AK5: variants seen among roughly 807,000 people sequenced by gnomAD.
AK5 encodes the protein adenylate kinase 5.
Under a neutral mutation model 69.5 loss-of-function variants are expected in AK5, and 27 were observed. The ratio of observed to expected loss-of-function variants is 0.39; its 90% CI spans 0.29 to 0.54. The LOEUF (loss-of-function observed/expected upper bound fraction) is 0.54, where lower values mean the gene tolerates loss of function less well. AK5 is among the 20% of genes least tolerant of loss of function. AK5 has a pLI of 0.71. For synonymous variants in AK5, 260 were observed against 244.4 expected, an observed-to-expected ratio of 1.06 and a Z score of -0.60; for missense variants, 531 against 700.4, an observed-to-expected ratio of 0.76 and a Z score of 2.73.
chr1:77,420,286 A>G (rs1303910750), intron 8 of AK5: 4 of 152,208 alleles, frequency 2.6e-5, no homozygotes, highest in Non-Finnish European at 5.9e-5. Flanking sequence ...AAACCAGCAG[A>G]AGATGGAAGA....
At chr1:77,389,278 A>G (rs554801350) in intron 6 of AK5, among the ~76,000 whole-genome samples, 3 of 152,348 alleles carry the variant, frequency 2.0e-5, no homozygotes, top group African/African-American at 7.2e-5. Context: ...ATGAGGGAAT[A>G]GAAACATTCC....
intron 10 of AK5, among the ~76,000 whole-genome samples, chr1:77,502,401 A>T (rs141349854): frequency 6.6e-6 from 1 of 152,328 alleles, no homozygotes; most frequent in South Asian, 2.1e-4. Context: ...TGGAAGTTGC[A>T]TTCACCAGTT....
chr1:77,403,072 T>C (rs1452653628), intron 6 of AK5, among the ~76,000 whole-genome samples: 1 of 152,160 alleles, frequency 6.6e-6, no homozygotes, highest in Non-Finnish European at 1.5e-5. Context: ...TTTCATGTGT[T>C]TTTTGGCTGC....
intron 3 of AK5, among the ~76,000 whole-genome samples, chr1:77,296,920 G>A (rs552905722): frequency 2.0e-5 from 3 of 152,210 alleles, no homozygotes; most frequent in Admixed American, 6.5e-5. Context: ...TGTGTTCTTG[G>A]CATCTTTGTG....
intron 6 of AK5, among the ~76,000 whole-genome samples, chr1:77,399,331 A>C (rs1211184203): frequency 6.6e-6 from 1 of 152,024 alleles, no homozygotes; most frequent in Non-Finnish European, 1.5e-5. Flanking sequence ...ACCACCACTG[A>C]CTTGGATTCT....
chr1:77,430,699 A>G (rs1276680376), intron 8 of AK5, among the ~76,000 whole-genome samples: 1 of 152,210 alleles, frequency 6.6e-6, no homozygotes, highest in Non-Finnish European at 1.5e-5. Flanking sequence ...AGAAGAAGCC[A>G]TTAGAGAGAT....
At chr1:77,418,727 G>T (rs1287660798) in intron 8 of AK5, among the ~76,000 whole-genome samples, 1 of 152,154 alleles carries the variant, frequency 6.6e-6, no homozygotes, top group Non-Finnish European at 1.5e-5. Flanking sequence ...ACATGTTCTT[G>T]GGGGAGGCTT....
intron 6 of AK5, among the ~76,000 whole-genome samples, chr1:77,408,456 C>T (rs181497633): frequency 6.6e-6 from 1 of 151,902 alleles, no homozygotes; most frequent in African/African-American, 2.4e-5. Flanking sequence ...TGTCTTTTGC[C>T]CACTTTTTAA....
intron 8 of AK5, among the ~76,000 whole-genome samples, chr1:77,420,993 A>T (rs1650776477): frequency 6.6e-6 from 1 of 152,226 alleles, no homozygotes; most frequent in Non-Finnish European, 1.5e-5. Flanking sequence ...TCATATGTGG[A>T]TACTGAAATT....
At chr1:77,517,313 T>C (rs1189592496) in intron 10 of AK5, among the ~76,000 whole-genome samples, 1 of 152,086 alleles carries the variant, frequency 6.6e-6, no homozygotes, top group East Asian at 1.9e-4. Flanking sequence ...GTGATTGCCA[T>C]ACGCCAGGCG....
intron 2 of AK5, among the ~76,000 whole-genome samples, chr1:77,289,892 A>G (rs948978499): frequency 6.7e-6 from 1 of 149,242 alleles, no homozygotes; most frequent in African/African-American, 2.5e-5. Context: ...AAAAAAAGTC[A>G]ATTACAAATT....
intron 12 of AK5, among the ~76,000 whole-genome samples, chr1:77,525,361 A>G (rs1176075610): frequency 6.6e-6 from 1 of 152,210 alleles, no homozygotes; most frequent in Non-Finnish European, 1.5e-5. Flanking sequence ...TATGAGGAAT[A>G]CCTGAGGCTG....
intron 11 of AK5, among the ~76,000 whole-genome samples, chr1:77,520,620 C>A (rs1657926904): frequency 6.6e-6 from 1 of 152,204 alleles, no homozygotes; most frequent in African/African-American, 2.4e-5. Flanking sequence ...TCCTTGACTT[C>A]ATCCAGATCT....
Position 77,518,642 on chromosome 1 carries a change from A to G in AK5, c.1226A>G (p.Glu409Gly). 6 of 1,614,210 alleles carry G rather than the reference A, an allele frequency of 3.7e-6. No individual in the cohort carries two copies. Among genetic ancestry groups the G allele is most frequent in the South Asian group, 3.3e-5 (3 of 91,084 alleles). ...KYGFTHLSTG[E>G]LLREELASES... ...GGATTTACACATCTCTCAACTGGCG[A>G]GCTCCTGCGTGAGGAACTGGCATCA... Residue 409 changes from glutamate to glycine, a missense_variant, in exon 11 of 14, where the codon GAG becomes GGG. Glu to Gly is a moderately conservative substitution (Grantham distance 98). Transcript: ENST00000354567.
chr1:77,350,614 C>T (rs1323946787), intron 6 of AK5, among the ~76,000 whole-genome samples: 2 of 152,184 alleles, frequency 1.3e-5, no homozygotes, highest in African/African-American at 2.4e-5. Context: ...GGTTTTACTT[C>T]TCCATATGGC....
rs1335601682 is a variant in AK5 at position 77,381,467 on chromosome 1, A to G, written c.892-29514A>G. 4.4e-5 allele frequency among the ~76,000 whole-genome samples: 3 copies of G among 68,804 alleles called. No individual in the cohort carries two copies. In the Admixed American group the frequency reaches 4.6e-4, roughly 10 times the overall value. 45.1% of individuals were successfully genotyped at this position (68,804 alleles called of 152,430 possible). ...AACAGATATTTAACACAGGCCAGCT[A>G]TGTACAAGACACATGTACAAGACAC... On this transcript the variant is annotated intron_variant, in intron 6 of 13. Coordinates refer to ENST00000354567, the MANE Select transcript of AK5 (RefSeq NM_174858.3).
chr1:77,432,215 T>C lies in AK5; in HGVS notation c.1059+14500T>C, dbSNP rs966332466. ...GTATCACCATTCAATCATCCTGTAG[T>C]TAGATTTTCATTGTCCCTTGGTGCC... On this transcript the variant is annotated intron_variant, in intron 8 of 13. Transcript: ENST00000354567. Among the ~76,000 whole-genome samples the C allele has an allele frequency of 3.3e-5, 5 of 152,176 alleles. No homozygotes were observed. In the East Asian group the frequency reaches 9.6e-4, roughly 29 times the overall value.
At chr1:77,337,564 G>A (rs1189681818) in intron 5 of AK5, among the ~76,000 whole-genome samples, 1 of 151,822 alleles carries the variant, frequency 6.6e-6, no homozygotes, top group Non-Finnish European at 1.5e-5. Context: ...GGATGTTACT[G>A]GTAATTATGT....
At chr1:77,403,408 TC>T in intron 6 of AK5, among the ~76,000 whole-genome samples, 1 of 152,152 alleles carries the variant, frequency 6.6e-6, no homozygotes, top group Non-Finnish European at 1.5e-5. Context: ...TAGGTTTTCT[TC>T]TAGGGTTTTT....
Sources: gnomAD v4.1 joint callset for allele counts (sites outside exome capture counted in the v4.1 genomes callset) on GRCh38, gnomAD v4.1.1 for gene constraint, MANE v1.5 for transcripts, NCBI Gene and HGNC (gene_info 2026-07-23, HGNC 2026-07-21) for gene names.